The following PTCH2 variants were observed in gnomAD, a reference collection of about 807,000 sequenced individuals.
PTCH2 encodes patched 2.
PTCH2 carries 96 observed loss-of-function variants against 117.9 expected under a neutral mutation model. The ratio of observed to expected loss-of-function variants is 0.81; its 90% CI spans 0.69 to 0.96. PTCH2 has a LOEUF of 0.96. PTCH2 is among the 50% of genes least tolerant of loss of function. The pLI is 0.00. For synonymous variants in PTCH2, 615 were observed against 660.9 expected (o/e 0.93, Z 1.06); for missense variants, 1,379 against 1,562.5 (o/e 0.88, Z 1.98).
chr1:44,829,226 G>T lies in PTCH2; in HGVS notation c.1302C>A (p.Ala434=), dbSNP rs757604900. Residue 434 remains alanine (A), a synonymous_variant, in exon 10 of 22, where the codon GCC becomes GCA. Transcript: ENST00000372192. ...GCCCAAGGCCTGAGGCCACCGCCAG[G>T]GCCACCAGCAGTACCCCGGCAAGGC... ...SVGLAGVLLV[A]LAVASGLGLC... 6.2e-6 allele frequency: 10 copies of T among 1,613,482 alleles called. No individual in the cohort carries two copies. The highest frequency in any genetic ancestry group is 2.2e-5 in the South Asian group (2 of 91,084).
chr1:44,832,444 G>A, intron 2 of PTCH2, 103 bp from the exon 3 acceptor site: 1 of 1,245,946 alleles, frequency 8.0e-7, no homozygotes, highest in African/African-American at 1.5e-5. Flanking sequence ...AAGTGGGAGA[G>A]GTGCGGCAGA....
At chr1:44,830,586 T>TAAAAAAAAA (rs1653389094) in intron 6 of PTCH2, among the ~76,000 whole-genome samples, 1 of 41,708 alleles carries the variant, frequency 2.4e-5, no homozygotes, top group African/African-American at 1.7e-4. Context: ...AGAGTGAGAC[T>TAAAAAAAAA]CAAAAAAAAA....
chr1:44,823,213 C>A lies in PTCH2; in HGVS notation c.3257+30G>T, dbSNP rs773738639. Reference sequence around the variant, plus strand: ...GGAGTCAGCCCAGGCCTGTCCTGAGCCCTGCCTCCCTGCCCCGAGCCCTCC... The same window carrying A: ...GGAGTCAGCCCAGGCCTGTCCTGAGACCTGCCTCCCTGCCCCGAGCCCTCC... On this transcript the variant is annotated intron_variant, in intron 20 of 21. Transcript: ENST00000372192. This position sits in a 1 kb window ranked among gnomAD's most constrained non-coding sequence, Gnocchi z 5.1. The A allele has an allele frequency of 6.2e-7, 1 of 1,614,180 alleles. No individual in the cohort carries two copies. The highest frequency in any genetic ancestry group is 2.2e-5 in the East Asian group (1 of 44,884).
intron 8 of PTCH2, 38 bp from the exon 9 acceptor site, chr1:44,829,571 G>A (rs1348038392): frequency 1.9e-6 from 3 of 1,614,070 alleles, no homozygotes; most frequent in Non-Finnish European, 2.5e-6. Context: ...GCAGGAGGAG[G>A]GAATGGCCTC....
In PTCH2 at chr1:44,832,090, C is replaced by T. The variant is rs771652766; in HGVS notation, c.456-46G>A. On this transcript the variant is annotated intron_variant, in intron 3 of 21. Transcript: ENST00000372192. ...GGAGATCAGCAGAAGAAGGGGATTC[C>T]CACTCCAGAACCCCCACAGCACGCC... 1.9e-5 allele frequency: 31 copies of T among 1,611,334 alleles called. No individual in the cohort carries two copies. The Middle Eastern group carries it at 9.9e-4, about 51-fold the overall frequency.
intron 2 of PTCH2, among the ~76,000 whole-genome samples, chr1:44,840,397 G>C (rs1406619185): frequency 6.8e-6 from 1 of 147,324 alleles, no homozygotes; most frequent in African/African-American, 2.5e-5. Context: ...ACCGTGCCTG[G>C]CCTGCTGAAA....
rs367785084 is a variant in PTCH2 at position 44,828,248 on chromosome 1, C to T, written c.1709+48G>A. The T allele has an allele frequency of 1.3e-5, 21 of 1,612,650 alleles. No homozygotes were observed. In the African/African-American group the frequency reaches 2.7e-4, roughly 21 times the overall value. On this transcript the variant is annotated intron_variant, in intron 13 of 21. Coordinates refer to ENST00000372192, the MANE Select transcript of PTCH2 (RefSeq NM_003738.5). Reference sequence around the variant, plus strand: ...GTGCCTTGAAATGCTGGTGAGGGGACAGGCTGGCGTGGGTCACGGGAGGAA... The same window carrying T: ...GTGCCTTGAAATGCTGGTGAGGGGATAGGCTGGCGTGGGTCACGGGAGGAA...
intron 8 of PTCH2, 24 bp downstream of exon 8, chr1:44,829,590 C>T (rs1173588871): frequency 6.2e-7 from 1 of 1,614,190 alleles, no homozygotes; most frequent in Non-Finnish European, 8.5e-7. Context: ...TCAGGGCACC[C>T]CCCTTGTCCT....
At chr1:44,840,703 A>T (rs1204212171) in intron 2 of PTCH2, among the ~76,000 whole-genome samples, 1 of 150,762 alleles carries the variant, frequency 6.6e-6, no homozygotes, top group Non-Finnish European at 1.5e-5. Context: ...ACAGAGTGAG[A>T]CTCTGTCTCA....
chr1:44,841,120 G>A (rs1653927692), intron 2 of PTCH2, among the ~76,000 whole-genome samples: 1 of 151,580 alleles, frequency 6.6e-6, no homozygotes, highest in Non-Finnish European at 1.5e-5. Context: ...AGTGATCCAG[G>A]ATCGCACCAC....
Position 44,831,976 on chromosome 1 carries a change from C to A in PTCH2, c.524G>T (p.Arg175Leu), listed in dbSNP as rs745322399. The A allele has an allele frequency of 4.3e-5, 69 of 1,611,302 alleles. 1 individual carries two copies. The East Asian group carries it at 1.5e-3, about 34-fold the overall frequency. The change falls in exon 4 of 22, where the codon CGG becomes CTG. Residue 175 changes from arginine (R) to leucine (L), a missense_variant and splice_region_variant. Physicochemically the swap from Arg to Leu is moderately radical, Grantham distance 102. Coordinates refer to ENST00000372192, the MANE Select transcript of PTCH2 (RefSeq NM_003738.5). This position sits in a 1 kb window ranked among gnomAD's most constrained non-coding sequence, Gnocchi z 4.3. ...VPLIENGMIE[R>L]MIEKLFPCVI... Reference sequence around the variant, plus strand: ...TCTACTCCCTCTCAGGACACTTACCCGCTCAATCATTCCATTTTCAATAAG... The same window carrying A: ...TCTACTCCCTCTCAGGACACTTACCAGCTCAATCATTCCATTTTCAATAAG...
At chr1:44,829,785 G>A (rs367749212) in intron 7 of PTCH2, 24 bp from the exon 8 acceptor site, 4 of 1,614,178 alleles carry the variant, frequency 2.5e-6, no homozygotes, top group Non-Finnish European at 3.4e-6. Context: ...GGGAGAACCA[G>A]GGGTCAGAGC....
rs1653162935 is a variant in PTCH2, at chr1:44,826,686, G to A, written c.2778C>T (p.Ala926=). ...CGCATGCTGCCCGGGCCCCCTCGAT[G>A]GCCTCCACAAAGTCTGCAGTCTTCT... ...GLQKTADFVE[A]IEGARAACAE... Residue 926 remains alanine (A), a synonymous_variant, in exon 18 of 22, where the codon GCC becomes GCT. Coordinates refer to ENST00000372192, the MANE Select transcript of PTCH2 (RefSeq NM_003738.5). This position sits in a 1 kb window ranked among gnomAD's most constrained non-coding sequence, Gnocchi z 5.1. 1.9e-6 allele frequency: 3 copies of A among 1,607,428 alleles called. No homozygotes were observed. Among genetic ancestry groups the A allele is most frequent in the African/African-American group, 1.3e-5 (1 of 74,792 alleles).
chr1:44,841,060 A>G (rs1653925402), intron 2 of PTCH2, among the ~76,000 whole-genome samples: 3 of 150,122 alleles, frequency 2.0e-5, no homozygotes, highest in African/African-American at 2.5e-5. Context: ...GATCCCAGCT[A>G]CTTGGAGGCT....
In PTCH2 at chr1:44,829,059, C is replaced by G. The variant is rs767529534; in HGVS notation, c.1387G>C (p.Ala463Pro). The G allele has an allele frequency of 8.1e-6, 13 of 1,609,274 alleles. No homozygotes were observed. The South Asian group carries it at 1.3e-4, about 16-fold the overall frequency. The change falls in exon 11 of 22, where the codon GCT (alanine) becomes CCT (proline). Residue 463 changes from alanine (A) to proline (P), a missense_variant. Ala to Pro is a conservative substitution (Grantham distance 27). Transcript: ENST00000372192. ...ACGTCATCCACGCCGATTCCCAGAGCCAAGAAGGGCAGCACCTGGAGGGGC... is the reference window on the plus strand; with the variant it reads ...ACGTCATCCACGCCGATTCCCAGAGGCAAGAAGGGCAGCACCTGGAGGGGC... ...AATTQVLPFL[A>P]LGIGVDDVFL...
chr1:44,830,448 T>C (rs1337170719), intron 6 of PTCH2, among the ~76,000 whole-genome samples: 2 of 151,604 alleles, frequency 1.3e-5, no homozygotes, highest in Admixed American at 6.6e-5. Context: ...GGGAGGCTAA[T>C]AAAAATTAGC....
chr1:44,838,729 C>CT lies in PTCH2; in HGVS notation c.265+3117dup, dbSNP rs750441536. On this transcript the variant is annotated intron_variant, in intron 2 of 21. Coordinates refer to ENST00000372192, the MANE Select transcript of PTCH2 (RefSeq NM_003738.5). The stretch of plus-strand genomic sequence containing the variant: ...TCGGCTTAATCTTTCTTTTTCTTTT[C>CT]TTTTTTTTTTTTTTTGAGTCTCGCT... Among the ~76,000 whole-genome samples, 1,078 of 144,304 alleles carry CT rather than the reference C, an allele frequency of 7.5e-3. 5 individuals carry two copies. Among genetic ancestry groups the CT allele is most frequent in the Non-Finnish European group, 0.01 (664 of 65,164 alleles). 94.7% of individuals were successfully genotyped at this position (144,304 alleles called of 152,430 possible).
Position 44,822,554 on chromosome 1 carries a change from G to C in PTCH2, c.3473C>G (p.Thr1158Ser), listed in dbSNP as rs545773315. ...SLPQSFARVT[T>S]SMTVAIHPPP... Reference sequence around the variant, plus strand: ...TGGGTGGATGGCCACGGTCATGGAGGTAGTCACTCTGGCAAAGCTCTGGGG... The same window carrying C: ...TGGGTGGATGGCCACGGTCATGGAGCTAGTCACTCTGGCAAAGCTCTGGGG... Residue 1158 changes from threonine to serine, a missense_variant, in exon 22 of 22, where the codon ACC becomes AGC. By Grantham distance (58) the Thr-to-Ser change is moderately conservative (BLOSUM62 1). Transcript: ENST00000372192. 10 of 1,614,092 alleles carry C rather than the reference G, an allele frequency of 6.2e-6. No individual in the cohort carries two copies. In the Admixed American group the frequency reaches 1.2e-4, roughly 19 times the overall value.
intron 19 of PTCH2, among the ~76,000 whole-genome samples, chr1:44,824,680 T>G (rs530913349): frequency 3.2e-4 from 49 of 152,120 alleles, no homozygotes; most frequent in African/African-American, 1.1e-3. Flanking sequence ...TAAAAAAAAT[T>G]TTTTTTCTTT....
Sources: allele counts gnomAD v4.1 joint callset (sites outside exome capture counted in the v4.1 genomes callset), GRCh38; gene constraint gnomAD v4.1.1; non-coding constraint Gnocchi (gnomAD v3.1); transcripts MANE v1.5; gene names NCBI Gene and HGNC (gene_info 2026-07-23, HGNC 2026-07-21).